Variants in CELF4 observed in about 807,000 individuals in gnomAD.
CELF4 encodes CUGBP Elav-like family member 4, also known as CUG-BP- and ETR-3-like factor 4.
CELF4 carries 18 observed loss-of-function variants against 59.9 expected under a neutral mutation model. The observed-to-expected ratio is 0.30, with a 90% CI of 0.21 to 0.45. CELF4 has a LOEUF of 0.45. Ranked by LOEUF, CELF4 falls within the 20% of genes least tolerant of loss-of-function variation. The probability of loss-of-function intolerance (pLI) is 1.00; values close to 1 mark genes in which losing one functional copy is unlikely to be tolerated. For synonymous variants in CELF4, 261 were observed against 267.1 expected, an observed-to-expected ratio of 0.98 and a Z score of 0.22; for missense variants, 456 against 689.0, an observed-to-expected ratio of 0.66 and a Z score of 3.79.
chr18:37,294,090 A>G (rs543823168), intron 3 of CELF4, among the ~76,000 whole-genome samples: 4 of 152,246 alleles, frequency 2.6e-5, no homozygotes, highest in South Asian at 4.1e-4. Context: ...TTAGAAGGGA[A>G]GCTGTTGAAT....
chr18:37,425,561 C>T (rs1217886268), intron 2 of CELF4, among the ~76,000 whole-genome samples: 4 of 152,192 alleles, frequency 2.6e-5, no homozygotes, highest in Non-Finnish European at 4.4e-5. Flanking sequence ...CATAAAAGAA[C>T]GAAGGAAAAG....
In CELF4 at chr18:37,243,464, T is replaced by G. The variant is rs1210489549; in HGVS notation, c.*1778A>C. The G allele has an allele frequency of 6.6e-6, 1 of 152,218 alleles. No individual in the cohort carries two copies. Among genetic ancestry groups the G allele is most frequent in the African/African-American group, 2.4e-5 (1 of 41,474 alleles). The allele number at this position is 152,218 out of a possible 1,614,324, so 9.4% of individuals were successfully genotyped here. A position where few individuals can be genotyped will look rare whatever the true frequency, so the allele number is the denominator to read the frequency against. ...AAATTATAATAAATATGTTATACTT[T>G]AAAATATATGTGTTCTTAAATAATT... On this transcript the variant is annotated 3_prime_UTR_variant, in exon 13 of 13. Coordinates refer to ENST00000420428, the MANE Select transcript of CELF4 (RefSeq NM_020180.4).
intron 2 of CELF4, among the ~76,000 whole-genome samples, chr18:37,324,618 G>A (rs188341392): frequency 1.8e-4 from 27 of 152,216 alleles, no homozygotes; most frequent in Admixed American, 1.2e-3. Flanking sequence ...AAGCCTGGTT[G>A]GTACCCCATT....
chr18:37,297,646 T>C (rs1017837639), intron 3 of CELF4, among the ~76,000 whole-genome samples: 8 of 152,244 alleles, frequency 5.3e-5, no homozygotes, highest in African/African-American at 1.9e-4. Flanking sequence ...CCTGTGAAGA[T>C]ATAGAGCATT....
intron 1 of CELF4, among the ~76,000 whole-genome samples, chr18:37,544,691 G>A (rs1344106547): frequency 1.3e-5 from 2 of 152,224 alleles, no homozygotes; most frequent in African/African-American, 4.8e-5. Flanking sequence ...CTTCCTGCAA[G>A]TGGGGAAGAC....
At position 37,395,752 on chromosome 18, in the gene CELF4, C is replaced by T. The variant is rs546325548; in HGVS notation, c.370-73871G>A. Among the ~76,000 whole-genome samples the T allele has an allele frequency of 1.3e-4, 20 of 152,346 alleles. No homozygotes were observed. The South Asian group carries it at 4.1e-3, about 32-fold the overall frequency. Reference sequence around the variant, plus strand: ...AGCCTGGCTTGCCAGGTGCTGAGAACTCCAAATAGCACACACAATTACCAG... The same window carrying T: ...AGCCTGGCTTGCCAGGTGCTGAGAATTCCAAATAGCACACACAATTACCAG... On this transcript the variant is annotated intron_variant, in intron 2 of 12. Transcript: ENST00000420428.
chr18:37,451,201 G>A (rs1164575684), intron 2 of CELF4, among the ~76,000 whole-genome samples: 29 of 152,196 alleles, frequency 1.9e-4, no homozygotes, highest in Admixed American at 1.9e-3. Context: ...GGAGGAGGAG[G>A]GGGACACTGA....
intron 2 of CELF4, among the ~76,000 whole-genome samples, chr18:37,339,765 A>T: frequency 6.6e-6 from 1 of 151,954 alleles, no homozygotes; most frequent in Non-Finnish European, 1.5e-5. Flanking sequence ...AAAAAAAAAA[A>T]AAAAAGGCCT....
chr18:37,539,492 C>T (rs1276884138), intron 1 of CELF4, among the ~76,000 whole-genome samples: 1 of 151,896 alleles, frequency 6.6e-6, no homozygotes. Flanking sequence ...CACACACACA[C>T]GCGTGCACGT....
chr18:37,368,497 C>T (rs1389082330), intron 2 of CELF4, among the ~76,000 whole-genome samples: 2 of 152,246 alleles, frequency 1.3e-5, no homozygotes, highest in Non-Finnish European at 2.9e-5. Context: ...TCCCCTCCCA[C>T]TGCCCATGCC....
At chr18:37,517,723 T>A (rs1277819648) in intron 1 of CELF4, among the ~76,000 whole-genome samples, 1 of 152,132 alleles carries the variant, frequency 6.6e-6, no homozygotes, top group Non-Finnish European at 1.5e-5. Context: ...GGGTGTCCGA[T>A]GAGGCACAGC....
chr18:37,419,051 G>T (rs563461037), intron 2 of CELF4, among the ~76,000 whole-genome samples: 47 of 152,322 alleles, frequency 3.1e-4, no homozygotes, highest in Non-Finnish European at 6.2e-4. Flanking sequence ...TGGAGCTGGG[G>T]TGTCCAACAG....
intron 1 of CELF4, among the ~76,000 whole-genome samples, chr18:37,555,587 C>T (rs144863653): frequency 2.0e-5 from 3 of 152,038 alleles, no homozygotes; most frequent in African/African-American, 7.3e-5. Context: ...GGAGTCCTCC[C>T]AGCCTCACCC....
intron 1 of CELF4, among the ~76,000 whole-genome samples, chr18:37,536,158 G>A (rs780483567): frequency 9.2e-5 from 14 of 151,862 alleles, no homozygotes; most frequent in Admixed American, 2.0e-4. Context: ...TGGAAATGAC[G>A]CTCTCTGAAT....
chr18:37,353,081 T>C (rs920030273), intron 2 of CELF4, among the ~76,000 whole-genome samples: 20 of 151,700 alleles, frequency 1.3e-4, no homozygotes, highest in South Asian at 8.4e-4. Flanking sequence ...ATTAGCCGGG[T>C]GTGATGGCAC....
intron 1 of CELF4, among the ~76,000 whole-genome samples, chr18:37,545,639 T>C (rs2099980993): frequency 6.6e-6 from 1 of 152,120 alleles, no homozygotes; most frequent in Non-Finnish European, 1.5e-5. Flanking sequence ...GCCTCGCTGG[T>C]CGAGTCTGAG....
chr18:37,393,693 G>A (rs758992988), intron 2 of CELF4, among the ~76,000 whole-genome samples: 1 of 152,116 alleles, frequency 6.6e-6, no homozygotes, highest in Non-Finnish European at 1.5e-5. Flanking sequence ...CTCCAGCCCC[G>A]GTACCTGAGT....
chr18:37,281,255 G>A (rs2094108019), intron 3 of CELF4, among the ~76,000 whole-genome samples: 1 of 152,210 alleles, frequency 6.6e-6, no homozygotes, highest in Non-Finnish European at 1.5e-5. Flanking sequence ...TGAGGAGGGA[G>A]GTAACAGCAC....
At chr18:37,507,539 C>G (rs145710864) in intron 1 of CELF4, among the ~76,000 whole-genome samples, 56 of 152,306 alleles carry the variant, frequency 3.7e-4, no homozygotes, top group African/African-American at 1.3e-3. Flanking sequence ...TTCCCATTTC[C>G]TCTAAAATCA....
Sources: allele counts gnomAD v4.1 joint callset (sites outside exome capture counted in the v4.1 genomes callset), GRCh38; gene constraint gnomAD v4.1.1; transcripts MANE v1.5; gene names NCBI Gene and HGNC (gene_info 2026-07-23, HGNC 2026-07-21).